The following TLL1 variants were observed in gnomAD, a reference collection of about 807,000 sequenced individuals.
The protein encoded by TLL1 is tolloid like 1.
Under a neutral mutation model 128.2 loss-of-function variants are expected in TLL1, and 49 were observed. The observed-to-expected ratio is 0.38, with a 90% CI of 0.30 to 0.48. The LOEUF (loss-of-function observed/expected upper bound fraction) is 0.48. TLL1 is among the 20% of genes least tolerant of loss of function. The pLI, the probability that TLL1 is intolerant of heterozygous loss-of-function variation, is 0.96. For missense variants in TLL1, 1,123 were observed against 1,242.0 expected (o/e 0.90, Z 1.44); for synonymous variants, 454 against 418.8 (o/e 1.08, Z -1.03).
chr4:165,939,208 T>A (rs1490103009), intron 1 of TLL1, among the ~76,000 whole-genome samples: 1 of 152,046 alleles, frequency 6.6e-6, no homozygotes, highest in Non-Finnish European at 1.5e-5. Context: ...TCTGTAAATG[T>A]TTTTCTTGGT....
At chr4:166,043,872 T>G (rs919106904) in intron 12 of TLL1, among the ~76,000 whole-genome samples, 3 of 152,002 alleles carry the variant, frequency 2.0e-5, no homozygotes, top group Non-Finnish European at 2.9e-5. Flanking sequence ...GGATTTTAAG[T>G]GTTCTTACGA....
intron 2 of TLL1, among the ~76,000 whole-genome samples, chr4:165,990,001 G>GA (rs1736565367): frequency 6.6e-6 from 1 of 151,648 alleles, no homozygotes; most frequent in African/African-American, 2.4e-5. Context: ...AAATGTATTT[G>GA]AAATTATATA....
intron 1 of TLL1, among the ~76,000 whole-genome samples, chr4:165,937,083 A>C (rs1733798398): frequency 1.3e-5 from 2 of 152,200 alleles, no homozygotes; most frequent in African/African-American, 4.8e-5. Context: ...ATGATTTATA[A>C]AACTCAGGAA....
intron 1 of TLL1, among the ~76,000 whole-genome samples, chr4:165,985,638 T>C (rs1423327169): frequency 6.6e-6 from 1 of 151,986 alleles, no homozygotes; most frequent in African/African-American, 2.4e-5. Context: ...CACTGAGGAA[T>C]TGGGGACATG....
At chr4:165,881,672 G>T (rs1198077177) in intron 1 of TLL1, among the ~76,000 whole-genome samples, 1 of 152,180 alleles carries the variant, frequency 6.6e-6, no homozygotes, top group Non-Finnish European at 1.5e-5. Context: ...AGTTACGAGT[G>T]AAATACCTAC....
chr4:165,927,684 A>T lies in TLL1; in HGVS notation c.169+53611A>T, dbSNP rs367992207. Among the ~76,000 whole-genome samples the T allele has an allele frequency of 1.1e-4, 16 of 152,292 alleles. 1 individual carries two copies. Among genetic ancestry groups the T allele is most frequent in the Admixed American group, 4.6e-4 (7 of 15,300 alleles). ...CCAGGAGCAATTTTGCCTCCAGGGG[A>T]CATAAAGCAATGTCTGGAGACATTT... is the stretch of plus-strand genomic sequence containing the variant. On this transcript the variant is annotated intron_variant, in intron 1 of 20. Coordinates refer to ENST00000061240, the MANE Select transcript of TLL1 (RefSeq NM_012464.5).
In TLL1 at chr4:165,913,550, A is replaced by T. The variant is rs188202346; in HGVS notation, c.169+39477A>T. On this transcript the variant is annotated intron_variant, in intron 1 of 20. Coordinates refer to ENST00000061240, the MANE Select transcript of TLL1 (RefSeq NM_012464.5). Reference sequence around the variant, plus strand: ...ATATGTAAGTGCTGTGTTGCAAAACAGAATCCTATATCACTGAGCCTTTCC... The same window carrying T: ...ATATGTAAGTGCTGTGTTGCAAAACTGAATCCTATATCACTGAGCCTTTCC... Among the ~76,000 whole-genome samples, 59 of 152,372 alleles carry T rather than the reference A, an allele frequency of 3.9e-4. 1 individual carries two copies. The highest frequency in any genetic ancestry group is 1.3e-3 in the African/African-American group (53 of 41,584).
chr4:165,889,754 T>C (rs934475527), intron 1 of TLL1, among the ~76,000 whole-genome samples: 2 of 152,234 alleles, frequency 1.3e-5, no homozygotes, highest in African/African-American at 4.8e-5. Flanking sequence ...GAGAAGCAGC[T>C]CACCATCATC....
rs114277198 is a variant in TLL1 at position 165,944,989 on chromosome 4, A to G, written c.170-44392A>G. Among the ~76,000 whole-genome samples the G allele has an allele frequency of 4.3e-3, 656 of 152,302 alleles. 6 individuals carry two copies. Among genetic ancestry groups the G allele is most frequent in the African/African-American group, 0.015 (620 of 41,580 alleles). On this transcript the variant is annotated intron_variant, in intron 1 of 20. Coordinates refer to ENST00000061240, the MANE Select transcript of TLL1 (RefSeq NM_012464.5). Reference sequence around the variant, plus strand: ...TTTGATATATCACTATTATTCAAATACACAGGCATGGGTATAATAATCTGG... The same window carrying G: ...TTTGATATATCACTATTATTCAAATGCACAGGCATGGGTATAATAATCTGG...
At chr4:165,931,512 A>G (rs1224965034) in intron 1 of TLL1, among the ~76,000 whole-genome samples, 2 of 146,986 alleles carry the variant, frequency 1.4e-5, no homozygotes. Context: ...AGGTCAGGAG[A>G]TTGAGACCTC....
chr4:165,927,335 G>T (rs1733320997), intron 1 of TLL1, among the ~76,000 whole-genome samples: 1 of 152,148 alleles, frequency 6.6e-6, no homozygotes, highest in Non-Finnish European at 1.5e-5. Context: ...TTAAAGTCAA[G>T]CTAAAGTAAA....
chr4:166,075,189 A>C (rs1740968174), intron 17 of TLL1, among the ~76,000 whole-genome samples, 186 bp downstream of exon 17: 1 of 152,184 alleles, frequency 6.6e-6, no homozygotes, highest in South Asian at 2.1e-4. Context: ...TGTACTTCGC[A>C]CATAGATGGC....
rs756623726 is a variant in TLL1 at position 166,091,160 on chromosome 4, A to G, written c.2475A>G (p.Gln825=). The change falls in exon 19 of 21, where the codon CAA becomes CAG. Residue 825 remains glutamine (Q), a synonymous_variant. Transcript: ENST00000061240. The part of the protein sequence containing the change: ...AFSEFEIEQH[Q]ECAYDHLEVF... Reference sequence around the variant, plus strand: ...GTGAATTTGAGATTGAGCAGCATCAAGAATGTGCTTATGACCACTTAGAAG... The same window carrying G: ...GTGAATTTGAGATTGAGCAGCATCAGGAATGTGCTTATGACCACTTAGAAG... 17 of 1,612,966 alleles carry G rather than the reference A, an allele frequency of 1.1e-5. No homozygotes were observed. The Admixed American group carries it at 2.2e-4, about 21-fold the overall frequency.
At chr4:166,065,241 A>C (rs1740516471) in intron 15 of TLL1, among the ~76,000 whole-genome samples, 1 of 152,120 alleles carries the variant, frequency 6.6e-6, no homozygotes, top group African/African-American at 2.4e-5. Context: ...AAGAAATATC[A>C]GTCCTTTTAG....
In TLL1 at chr4:165,911,430, C is replaced by G. The variant is rs146296155; in HGVS notation, c.169+37357C>G. Among the ~76,000 whole-genome samples the G allele has an allele frequency of 1.0e-3, 156 of 152,230 alleles. 1 individual carries two copies. Among genetic ancestry groups the G allele is most frequent in the African/African-American group, 3.6e-3 (149 of 41,538 alleles). Reference sequence around the variant, plus strand: ...TGTATATATACCACATTTTCCTTATCCATTCATGCATTAAGGAACACTTAG... The same window carrying G: ...TGTATATATACCACATTTTCCTTATGCATTCATGCATTAAGGAACACTTAG... On this transcript the variant is annotated intron_variant, in intron 1 of 20. Coordinates refer to ENST00000061240, the MANE Select transcript of TLL1 (RefSeq NM_012464.5).
intron 12 of TLL1, among the ~76,000 whole-genome samples, chr4:166,051,260 C>CTCCT (rs1739711109): frequency 4.1e-5 from 5 of 123,196 alleles, no homozygotes; most frequent in Admixed American, 3.9e-4. Context: ...TTTCTTTTTT[C>CTCCT]TCCTCCCTCC....
At chr4:166,004,433 G>A (rs1300084967) in intron 6 of TLL1, among the ~76,000 whole-genome samples, 2 of 152,020 alleles carry the variant, frequency 1.3e-5, no homozygotes, top group South Asian at 2.1e-4. Context: ...AATGTTAGGC[G>A]TTGAAGATAC....
chr4:166,022,997 A>G (rs1184719983), intron 8 of TLL1, among the ~76,000 whole-genome samples: 1 of 152,220 alleles, frequency 6.6e-6, no homozygotes, highest in Non-Finnish European at 1.5e-5. Flanking sequence ...AAGAAACACC[A>G]TTGTGAAGTT....
At chr4:166,037,620 C>A (rs1739061253) in intron 9 of TLL1, among the ~76,000 whole-genome samples, 1 of 152,028 alleles carries the variant, frequency 6.6e-6, no homozygotes, top group Non-Finnish European at 1.5e-5. Context: ...CCAGCCTGGC[C>A]AACATGGTGA....
Sources: allele counts gnomAD v4.1 joint callset (sites outside exome capture counted in the v4.1 genomes callset), GRCh38; gene constraint gnomAD v4.1.1; transcripts MANE v1.5; gene names NCBI Gene and HGNC (gene_info 2026-07-23, HGNC 2026-07-21).